FSTL4: variants seen among roughly 807,000 people sequenced by gnomAD.
The protein encoded by FSTL4 is follistatin like 4.
Under a neutral mutation model 78.2 loss-of-function variants are expected in FSTL4, and 28 were observed. That is an observed-to-expected ratio of 0.36 (90% CI 0.27 to 0.49). FSTL4 has a LOEUF of 0.49. Among genes scored for constraint, FSTL4 ranks in the 20% least tolerant of loss-of-function variants. The probability of loss-of-function intolerance (pLI) is 0.98; values close to 1 mark genes in which losing one functional copy is unlikely to be tolerated. For synonymous variants in FSTL4, 422 were observed against 440.5 expected (o/e 0.96, Z 0.53); for missense variants, 922 against 1,084.9 (o/e 0.85, Z 2.11).
At chr5:133,387,128 T>C (rs60826889) in intron 4 of FSTL4, among the ~76,000 whole-genome samples, 7,029 of 152,212 alleles carry the variant, frequency 0.046, 544 homozygotes, top group African/African-American at 0.16. Flanking sequence ...CTGCTGCCCC[T>C]GCCCTGTACC....
At position 133,353,467 on chromosome 5, in the gene FSTL4, G is replaced by A. The variant is rs1355445497; in HGVS notation, c.410-36815C>T. 2.6e-5 allele frequency among the ~76,000 whole-genome samples: 4 copies of A among 152,166 alleles called. No homozygotes were observed. The East Asian group carries it at 7.7e-4, about 29-fold the overall frequency. ...GGTCCCTTCCACACCCCCAAAAGAGGCCCCAGGCGTTCCTCCTGCCCTCCC... is the reference window on the plus strand; with the variant it reads ...GGTCCCTTCCACACCCCCAAAAGAGACCCCAGGCGTTCCTCCTGCCCTCCC... On this transcript the variant is annotated intron_variant, in intron 4 of 15. Coordinates refer to ENST00000265342, the MANE Select transcript of FSTL4 (RefSeq NM_015082.2).
the FSTL4 span, among the ~76,000 whole-genome samples, chr5:133,728,087 GA>G: frequency 6.6e-6 from 1 of 152,228 alleles, no homozygotes; most frequent in Admixed American, 6.5e-5. Flanking sequence ...GCCTGTAGAA[GA>G]GATGGCATTC....
At chr5:133,243,467 A>G (rs1438000650) in intron 7 of FSTL4, among the ~76,000 whole-genome samples, 1 of 152,226 alleles carries the variant, frequency 6.6e-6, no homozygotes, top group Non-Finnish European at 1.5e-5. Context: ...TAGGAGCTCC[A>G]CACACAGGGA....
intron 4 of FSTL4, among the ~76,000 whole-genome samples, chr5:133,358,877 C>T (rs895064486): frequency 2.6e-5 from 4 of 152,032 alleles, no homozygotes; most frequent in South Asian, 2.1e-4. Context: ...TGCTATTTCC[C>T]GATTGCAAAA....
the FSTL4 span, among the ~76,000 whole-genome samples, chr5:133,705,596 C>T: frequency 3.3e-5 from 5 of 152,256 alleles, no homozygotes; most frequent in South Asian, 2.1e-4. Context: ...TCACCTTGTG[C>T]GTTCCTGTGA....
At chr5:133,563,974 T>C (rs1444202529) in intron 3 of FSTL4, among the ~76,000 whole-genome samples, 1 of 152,070 alleles carries the variant, frequency 6.6e-6, no homozygotes, top group Admixed American at 6.6e-5. Context: ...ACCAGAGAAA[T>C]GGATTTTCTC....
At chr5:133,215,772 G>A (rs1438330494) in intron 13 of FSTL4, among the ~76,000 whole-genome samples, 1 of 152,174 alleles carries the variant, frequency 6.6e-6, no homozygotes, top group African/African-American at 2.4e-5. Flanking sequence ...AGTCTCCAGA[G>A]CTGCATTTCT....
intron 7 of FSTL4, among the ~76,000 whole-genome samples, chr5:133,240,666 A>C (rs193200336): frequency 8.5e-5 from 13 of 152,208 alleles, no homozygotes; most frequent in East Asian, 5.8e-4. Flanking sequence ...CTTATCTCTT[A>C]GCGCATGACT....
At chr5:133,291,099 G>A (rs992199127) in intron 6 of FSTL4, among the ~76,000 whole-genome samples, 7 of 152,208 alleles carry the variant, frequency 4.6e-5, no homozygotes, top group African/African-American at 1.4e-4. Context: ...TTAACAATCC[G>A]ATTACAAAAG....
At chr5:133,691,670 G>T in the FSTL4 span, among the ~76,000 whole-genome samples, 6 of 151,924 alleles carry the variant, frequency 3.9e-5, no homozygotes, top group African/African-American at 1.5e-4. Context: ...TCAAGACTGG[G>T]GTGAATGGAG....
At chr5:133,560,078 C>G (rs1294081373) in intron 3 of FSTL4, among the ~76,000 whole-genome samples, 2 of 152,220 alleles carry the variant, frequency 1.3e-5, no homozygotes, top group East Asian at 3.9e-4. Context: ...AGGCAGACAT[C>G]TGACCCCTGC....
intron 3 of FSTL4, among the ~76,000 whole-genome samples, chr5:133,537,203 A>G (rs2112914792): frequency 6.6e-6 from 1 of 152,310 alleles, no homozygotes; most frequent in African/African-American, 2.4e-5. Context: ...ACTTTCTATA[A>G]CAAGTTAATA....
At chr5:133,252,098 G>A (rs1471752204) in intron 6 of FSTL4, 4 of 152,302 alleles carry the variant, frequency 2.6e-5, no homozygotes, top group African/African-American at 9.6e-5. Context: ...TAGAGACACA[G>A]AGCAGTTTTT....
intron 6 of FSTL4, among the ~76,000 whole-genome samples, chr5:133,301,435 G>C (rs748027077): frequency 6.6e-6 from 1 of 152,168 alleles, no homozygotes; most frequent in Non-Finnish European, 1.5e-5. Context: ...ACAGGCTCTG[G>C]AGAGTCATCA....
chr5:133,802,865 C>A, the FSTL4 span, among the ~76,000 whole-genome samples: 1 of 152,238 alleles, frequency 6.6e-6, no homozygotes, highest in East Asian at 1.9e-4. Flanking sequence ...TCTCCCCAAA[C>A]ACAGTAACTG....
intron 6 of FSTL4, among the ~76,000 whole-genome samples, chr5:133,288,301 C>G (rs1753182528): frequency 6.6e-6 from 1 of 152,174 alleles, no homozygotes; most frequent in African/African-American, 2.4e-5. Flanking sequence ...TGCAGGGGCC[C>G]TGTAGTAGAG....
intron 4 of FSTL4, among the ~76,000 whole-genome samples, chr5:133,341,257 G>GT (rs1491549696): frequency 1.5e-5 from 2 of 131,146 alleles, no homozygotes; most frequent in Non-Finnish European, 3.2e-5. Flanking sequence ...TTAGGGGAAA[G>GT]TAAAAAAAAA....
rs929291892 is a variant in FSTL4, at chr5:133,294,117, G to A, written c.727+18537C>T. Among the ~76,000 whole-genome samples, 3 of 152,138 alleles carry A rather than the reference G, an allele frequency of 2.0e-5. No homozygotes were observed. In the East Asian group the frequency reaches 5.8e-4, roughly 29 times the overall value. Reference sequence around the variant, plus strand: ...ACTAATAGCATTATTTTGCTTAGCTGTGTTACACCCTCCTCTCAGTTTCCA... The same window carrying A: ...ACTAATAGCATTATTTTGCTTAGCTATGTTACACCCTCCTCTCAGTTTCCA... On this transcript the variant is annotated intron_variant, in intron 6 of 15. Transcript: ENST00000265342.
At chr5:133,317,838 T>C (rs903318891) in intron 4 of FSTL4, among the ~76,000 whole-genome samples, 13 of 152,192 alleles carry the variant, frequency 8.5e-5, no homozygotes, top group African/African-American at 3.1e-4. Flanking sequence ...TAAGGGCTCA[T>C]AACATGATAG....
Sources: gnomAD v4.1 joint callset for allele counts (sites outside exome capture counted in the v4.1 genomes callset) on GRCh38, gnomAD v4.1.1 for gene constraint, MANE v1.5 for transcripts, NCBI Gene and HGNC (gene_info 2026-07-23, HGNC 2026-07-21) for gene names.